IKZF3: variants seen among roughly 807,000 people sequenced by gnomAD.
IKZF3 encodes zinc finger protein Aiolos.
In IKZF3, 10 loss-of-function variants were observed where a neutral mutation model predicts 49.0. The observed-to-expected ratio is 0.20, with a 90% CI of 0.13 to 0.35. The LOEUF is 0.35. Among genes scored for constraint, IKZF3 ranks in the 10% least tolerant of loss-of-function variants. The probability of loss-of-function intolerance (pLI) is 1.00; values close to 1 mark genes in which losing one functional copy is unlikely to be tolerated. For synonymous variants in IKZF3, 209 were observed against 228.2 expected, an observed-to-expected ratio of 0.92 and a Z score of 0.76; for missense variants, 498 against 664.8, an observed-to-expected ratio of 0.75 and a Z score of 2.76.
At chr17:39,781,900 T>C (rs2060751444) in intron 6 of IKZF3, among the ~76,000 whole-genome samples, 1 of 152,252 alleles carries the variant, frequency 6.6e-6, no homozygotes, top group South Asian at 2.1e-4. Flanking sequence ...GCAGTGTTCA[T>C]GGATGGACAT....
At chr17:39,826,823 C>T (rs2061969096) in intron 3 of IKZF3, among the ~76,000 whole-genome samples, 1 of 152,116 alleles carries the variant, frequency 6.6e-6, no homozygotes, top group South Asian at 2.1e-4. Context: ...ACATATTTCC[C>T]TTGGACCTCC....
chr17:39,821,190 C>T (rs73985220), intron 3 of IKZF3, among the ~76,000 whole-genome samples: 1,877 of 152,080 alleles, frequency 0.012, 33 homozygotes, highest in African/African-American at 0.043. Context: ...GAAGTAGGGG[C>T]GGTCTGTGGG....
At chr17:39,798,925 C>G (rs918436828) in intron 3 of IKZF3, among the ~76,000 whole-genome samples, 1 of 152,122 alleles carries the variant, frequency 6.6e-6, no homozygotes. Context: ...ATGAACTCAC[C>G]TCCCCTAGTC....
chr17:39,806,123 A>T (rs1400818235), intron 3 of IKZF3, among the ~76,000 whole-genome samples: 1 of 152,224 alleles, frequency 6.6e-6, no homozygotes, highest in Non-Finnish European at 1.5e-5. Flanking sequence ...TGACCTCAGC[A>T]AGTAATTTGA....
chr17:39,778,531 G>T (rs1019970484), intron 6 of IKZF3, among the ~76,000 whole-genome samples: 9 of 152,114 alleles, frequency 5.9e-5, no homozygotes, highest in Non-Finnish European at 1.3e-4. Context: ...GGCTGGGTGC[G>T]GTGGCTCATG....
chr17:39,858,280 A>G (rs9912095), intron 1 of IKZF3, among the ~76,000 whole-genome samples: 8,792 of 152,084 alleles, frequency 0.058, 401 homozygotes, highest in African/African-American at 0.12. Context: ...GTAACATAGC[A>G]AGACTATGTC....
chr17:39,856,603 C>G (rs924339928), intron 1 of IKZF3, among the ~76,000 whole-genome samples: 1 of 151,986 alleles, frequency 6.6e-6, no homozygotes, highest in Admixed American at 6.6e-5. Flanking sequence ...ATCAGGAGTT[C>G]GAGATCAGCC....
rs551960821 is a variant in IKZF3 at position 39,809,531 on chromosome 17, T to C, written c.164-16598A>G. 1.7e-3 allele frequency among the ~76,000 whole-genome samples: 258 copies of C among 152,350 alleles called. 1 individual carries two copies. The highest frequency in any genetic ancestry group is 2.0e-3 in the Non-Finnish European group (134 of 68,034). On this transcript the variant is annotated intron_variant, in intron 3 of 7. Transcript: ENST00000346872. ...GCTTTAAAATCCAAAGCTTTGAAAGTACTGTGTTATTAGTCACTTCCAAAT... is the reference window on the plus strand; with the variant it reads ...GCTTTAAAATCCAAAGCTTTGAAAGCACTGTGTTATTAGTCACTTCCAAAT...
chr17:39,764,014 C>T lies in IKZF3; in HGVS notation c.*1776G>A, dbSNP rs931235837. Reference sequence around the variant, plus strand: ...GATTACAGGCATGTGCCACTACTGCCCAGCTAATTTTTGTATTTTTAGTAG... The same window carrying T: ...GATTACAGGCATGTGCCACTACTGCTCAGCTAATTTTTGTATTTTTAGTAG... On this transcript the variant is annotated 3_prime_UTR_variant, in exon 8 of 8. Coordinates refer to ENST00000346872, the MANE Select transcript of IKZF3 (RefSeq NM_012481.5). 2 of 152,146 alleles carry T rather than the reference C, an allele frequency of 1.3e-5. No homozygotes were observed. The highest frequency in any genetic ancestry group is 1.9e-4 in the East Asian group (1 of 5,178). The allele number at this position is 152,146 out of a possible 1,614,324, so 9.4% of individuals were successfully genotyped here. A position where few individuals can be genotyped will look rare whatever the true frequency, so the allele number is the denominator to read the frequency against.
At chr17:39,856,667 G>A (rs1023723163) in intron 1 of IKZF3, among the ~76,000 whole-genome samples, 7 of 151,896 alleles carry the variant, frequency 4.6e-5, no homozygotes, top group Non-Finnish European at 1.0e-4. Flanking sequence ...TTAGCCGGGC[G>A]TGGTAGCGGG....
At chr17:39,844,842 G>C (rs28407584) in intron 1 of IKZF3, among the ~76,000 whole-genome samples, 2 of 151,954 alleles carry the variant, frequency 1.3e-5, no homozygotes, top group African/African-American at 2.4e-5. Flanking sequence ...GGCTGGTCTC[G>C]AACTCCTGAC....
intron 6 of IKZF3, among the ~76,000 whole-genome samples, chr17:39,784,778 C>T (rs1292387629): frequency 6.6e-6 from 1 of 152,156 alleles, no homozygotes; most frequent in East Asian, 1.9e-4. Flanking sequence ...GAGCCTGGCA[C>T]ATAGAGAACT....
intron 2 of IKZF3, 89 bp downstream of exon 2, chr17:39,832,009 T>C (rs1161023324): frequency 1.0e-6 from 1 of 976,270 alleles, no homozygotes; most frequent in East Asian, 2.5e-5. Flanking sequence ...CCATAGCATT[T>C]TTACTGCAAC....
intron 3 of IKZF3, among the ~76,000 whole-genome samples, chr17:39,816,544 A>C (rs952714297): frequency 2.6e-5 from 4 of 152,228 alleles, no homozygotes; most frequent in Middle Eastern, 3.2e-3. Flanking sequence ...AGTTGAGAAG[A>C]TGCAACAGAG....
At chr17:39,780,719 G>C (rs1227166126) in intron 6 of IKZF3, among the ~76,000 whole-genome samples, 4 of 151,956 alleles carry the variant, frequency 2.6e-5, no homozygotes, top group Admixed American at 6.6e-5. Flanking sequence ...AGGTGTGGTG[G>C]CACTAGCCCA....
At chr17:39,776,165 T>A (rs1457599187) in intron 7 of IKZF3, among the ~76,000 whole-genome samples, 1 of 152,046 alleles carries the variant, frequency 6.6e-6, no homozygotes, top group East Asian at 1.9e-4. Context: ...GTAGGAGGAT[T>A]TCTTGAGCCC....
intron 3 of IKZF3, among the ~76,000 whole-genome samples, chr17:39,802,770 G>C (rs1004592512): frequency 6.7e-6 from 1 of 149,376 alleles, no homozygotes; most frequent in African/African-American, 2.5e-5. Context: ...GCAGTGAGCT[G>C]TGATCATGCC....
Position 39,759,294 on chromosome 17 carries a change from T to A in IKZF3, c.*6496A>T, listed in dbSNP as rs776281019. The A allele has an allele frequency of 3.3e-5, 5 of 152,058 alleles. No individual in the cohort carries two copies. Among genetic ancestry groups the A allele is most frequent in the Admixed American group, 3.3e-4 (5 of 15,260 alleles). 9.4% of individuals were successfully genotyped at this position (152,058 alleles called of 1,614,324 possible). ...AGCTGGGTGTGGTGACCCACGCCTG[T>A]AGTCTCAGCTAGTTGGGAGGCTAAG... On this transcript the variant is annotated 3_prime_UTR_variant, in exon 8 of 8. Transcript: ENST00000346872.
intron 1 of IKZF3, among the ~76,000 whole-genome samples, chr17:39,854,245 G>C (rs372911149): frequency 9.2e-5 from 14 of 152,000 alleles, no homozygotes; most frequent in South Asian, 4.1e-4. Context: ...GAATAAGGTA[G>C]ATAGACGTAT....
Sources: allele counts gnomAD v4.1 joint callset (sites outside exome capture counted in the v4.1 genomes callset), GRCh38; gene constraint gnomAD v4.1.1; transcripts MANE v1.5; gene names NCBI Gene and HGNC (gene_info 2026-07-23, HGNC 2026-07-21).